CHRM3: variants seen among roughly 807,000 people sequenced by gnomAD.
CHRM3 encodes cholinergic receptor muscarinic 3.
CHRM3 carries 11 observed loss-of-function variants against 41.8 expected under a neutral mutation model. The observed-to-expected ratio is 0.26, with a 90% CI of 0.17 to 0.44. CHRM3 has a LOEUF of 0.44. Among genes scored for constraint, CHRM3 ranks in the 20% least tolerant of loss-of-function variants. CHRM3 has a pLI of 1.00. For synonymous variants in CHRM3, 297 were observed against 301.4 expected, an observed-to-expected ratio of 0.99 and a Z score of 0.15; for missense variants, 571 against 745.4, an observed-to-expected ratio of 0.77 and a Z score of 2.72.
intron 1 of CHRM3, among the ~76,000 whole-genome samples, chr1:239,450,557 T>G (rs555169155): frequency 2.5e-4 from 38 of 152,330 alleles, no homozygotes; most frequent in Non-Finnish European, 4.7e-4. Flanking sequence ...CCATTGGGGC[T>G]GCTTAAAATA....
At chr1:239,434,165 A>C (rs2103195842) in intron 1 of CHRM3, among the ~76,000 whole-genome samples, 1 of 152,328 alleles carries the variant, frequency 6.6e-6, no homozygotes, top group African/African-American at 2.4e-5. Flanking sequence ...TCATCAGATT[A>C]CTGCCTTGTT....
Position 239,842,747 on chromosome 1 carries a change from C to A in CHRM3, c.-20+15369C>A, listed in dbSNP as rs558058305. 2.0e-5 allele frequency among the ~76,000 whole-genome samples: 3 copies of A among 152,244 alleles called. No homozygotes were observed. In the South Asian group the frequency reaches 6.2e-4, roughly 32 times the overall value. Reference sequence around the variant, plus strand: ...ACATACACACACATGCATGCACGCACACACAGGTACACACATTTTAAACAC... The same window carrying A: ...ACATACACACACATGCATGCACGCAAACACAGGTACACACATTTTAAACAC... On this transcript the variant is annotated intron_variant, in intron 6 of 6. Coordinates refer to ENST00000676153, the MANE Select transcript of CHRM3 (RefSeq NM_001375978.1).
intron 2 of CHRM3, among the ~76,000 whole-genome samples, chr1:239,509,123 G>A (rs1413101610): frequency 6.6e-6 from 1 of 152,146 alleles, no homozygotes; most frequent in African/African-American, 2.4e-5. Context: ...AAACCACAAG[G>A]TCTTCAGAAT....
intron 6 of CHRM3, among the ~76,000 whole-genome samples, chr1:239,868,172 A>G (rs1447898159): frequency 2.0e-5 from 3 of 152,190 alleles, no homozygotes; most frequent in Non-Finnish European, 4.4e-5. Context: ...GTGAGACATT[A>G]ATGCTCAGCA....
intron 5 of CHRM3, among the ~76,000 whole-genome samples, chr1:239,702,864 C>A (rs1449052831): frequency 6.6e-6 from 1 of 152,214 alleles, no homozygotes; most frequent in Non-Finnish European, 1.5e-5. Flanking sequence ...TTACAGGTAA[C>A]TTTCTTTGTG....
chr1:239,529,961 G>A (rs1051966361), intron 2 of CHRM3, among the ~76,000 whole-genome samples: 16 of 151,880 alleles, frequency 1.1e-4, no homozygotes, highest in Middle Eastern at 6.3e-3. Flanking sequence ...GCAGTGGCGC[G>A]ATCTCGGCTC....
chr1:239,901,096 G>C (rs1250127250), intron 6 of CHRM3, among the ~76,000 whole-genome samples: 2 of 152,192 alleles, frequency 1.3e-5, no homozygotes, highest in East Asian at 3.9e-4. Flanking sequence ...TGGTGACCTA[G>C]TGACCTCTGA....
At chr1:239,397,050 T>G (rs1470738501) in intron 1 of CHRM3, among the ~76,000 whole-genome samples, 1 of 152,204 alleles carries the variant, frequency 6.6e-6, no homozygotes, top group Non-Finnish European at 1.5e-5. Context: ...TGTGCTAGAC[T>G]TCGGATCTGT....
chr1:239,909,478 G>GTTTTTTTT lies in CHRM3; in HGVS notation c.*261_*262insTTTTTTTT. The GTTTTTTTT allele has an allele frequency of 2.6e-6, 1 of 378,906 alleles. No homozygotes were observed. Among genetic ancestry groups the GTTTTTTTT allele is most frequent in the Non-Finnish European group, 4.9e-6 (1 of 204,740 alleles). 23.5% of individuals were successfully genotyped at this position (378,906 alleles called of 1,614,324 possible). On this transcript the variant is annotated 3_prime_UTR_variant, in exon 7 of 7. Transcript: ENST00000676153. Reference sequence around the variant, plus strand: ...ATTTATTCTGAAATAGACTTTACGTGTTTTTTTCTTAAAGAGGAGAAAAAT... The same window carrying GTTTTTTTT: ...ATTTATTCTGAAATAGACTTTACGTGTTTTTTTTTTTTTTTCTTAAAGAGGAGAAAAAT...
rs1161408433 is a variant in CHRM3 at position 239,775,124 on chromosome 1, T to C, written c.-146-52128T>C. On this transcript the variant is annotated intron_variant, in intron 5 of 6. Coordinates refer to ENST00000676153, the MANE Select transcript of CHRM3 (RefSeq NM_001375978.1). ...TTCTGATAGTCTGTCTTATCTAACT[T>C]GGGATCATGGCTAAAAAAAAAAGTT... Among the ~76,000 whole-genome samples, 6 of 152,164 alleles carry C rather than the reference T, an allele frequency of 3.9e-5. 1 individual carries two copies. The South Asian group carries it at 1.2e-3, about 32-fold the overall frequency.
chr1:239,581,907 A>G (rs1662936376), intron 3 of CHRM3, among the ~76,000 whole-genome samples: 1 of 152,200 alleles, frequency 6.6e-6, no homozygotes, highest in Non-Finnish European at 1.5e-5. Context: ...GGAGCAGAGC[A>G]AATTTTGCCA....
At chr1:239,660,815 A>C (rs1380086263) in intron 4 of CHRM3, among the ~76,000 whole-genome samples, 1 of 152,164 alleles carries the variant, frequency 6.6e-6, no homozygotes, top group Non-Finnish European at 1.5e-5. Context: ...TGGGAGGTGG[A>C]GGTTGCAGTG....
At chr1:239,518,020 C>G (rs1163460287) in intron 2 of CHRM3, among the ~76,000 whole-genome samples, 8 of 151,910 alleles carry the variant, frequency 5.3e-5, no homozygotes, top group Admixed American at 4.6e-4. Flanking sequence ...GCAGAAGAAT[C>G]GTTTGAACCT....
intron 1 of CHRM3, among the ~76,000 whole-genome samples, chr1:239,448,888 C>T (rs6681143): frequency 0.068 from 10,306 of 152,154 alleles, 693 homozygotes; most frequent in African/African-American, 0.18. Flanking sequence ...ACTCTTCAAA[C>T]ATCAACATTA....
intron 5 of CHRM3, among the ~76,000 whole-genome samples, chr1:239,775,346 G>C (rs147516095): frequency 2.2e-3 from 338 of 152,270 alleles, no homozygotes; most frequent in African/African-American, 7.8e-3. Context: ...AGAGGTACAA[G>C]ATTGTCTGTG....
At chr1:239,433,548 G>T (rs970048221) in intron 1 of CHRM3, among the ~76,000 whole-genome samples, 1 of 151,974 alleles carries the variant, frequency 6.6e-6, no homozygotes, top group Non-Finnish European at 1.5e-5. Context: ...GTGAGATTTT[G>T]GTGCACCCAT....
At chr1:239,466,568 T>G (rs1665746566) in intron 1 of CHRM3, among the ~76,000 whole-genome samples, 1 of 151,918 alleles carries the variant, frequency 6.6e-6, no homozygotes. Context: ...CCCACATTAT[T>G]TAAGGATCAA....
At chr1:239,657,403 A>ACCAAAGAACAAAAACTGAGAGAGG (rs2148994782) in intron 4 of CHRM3, among the ~76,000 whole-genome samples, 1 of 152,302 alleles carries the variant, frequency 6.6e-6, no homozygotes, top group African/African-American at 2.4e-5. Context: ...ACTGAGAGAG[A>ACCAAAGAACAAAAACTGAGAGAGG]CCAAAGAACA....
At chr1:239,805,313 A>G (rs7515128) in intron 5 of CHRM3, among the ~76,000 whole-genome samples, 8,268 of 152,270 alleles carry the variant, frequency 0.054, 273 homozygotes, top group African/African-American at 0.074. Context: ...ATCATGAACT[A>G]TAACTCATAG....
Sources: allele counts gnomAD v4.1 joint callset (sites outside exome capture counted in the v4.1 genomes callset), GRCh38; gene constraint gnomAD v4.1.1; transcripts MANE v1.5; gene names NCBI Gene and HGNC (gene_info 2026-07-23, HGNC 2026-07-21).